Variants in DPP6 observed in about 807,000 individuals in gnomAD.
The protein encoded by DPP6 is A-type potassium channel modulatory protein DPP6.
In DPP6, 69 loss-of-function variants were observed where a neutral mutation model predicts 122.6. The ratio of observed to expected loss-of-function variants is 0.56; its 90% CI spans 0.46 to 0.69. DPP6 has a LOEUF of 0.69. Among genes scored for constraint, DPP6 ranks in the 30% least tolerant of loss-of-function variants. The pLI is 0.00. For synonymous variants in DPP6, 418 were observed against 433.1 expected (o/e 0.97, Z 0.43); for missense variants, 928 against 1,116.9 (o/e 0.83, Z 2.41).
chr7:153,754,961 T>C, the DPP6 span, among the ~76,000 whole-genome samples: 1 of 152,146 alleles, frequency 6.6e-6, no homozygotes, highest in East Asian at 1.9e-4. Flanking sequence ...CTTCTTATAA[T>C]ACTTTAAAAC....
At position 154,181,524 on chromosome 7, in the gene DPP6, T is replaced by G. The variant is rs150699680; in HGVS notation, c.243+128461T>G. On this transcript the variant is annotated intron_variant, in intron 1 of 25. Transcript: ENST00000377770. The stretch of plus-strand genomic sequence containing the variant: ...TAAAGATCCTGAAACTCCTGTCCTC[T>G]TCATTCAGCCAGAGAGGAGCTGAGC... Among the ~76,000 whole-genome samples the G allele has an allele frequency of 3.7e-3, 568 of 152,292 alleles. 2 individuals carry two copies. The highest frequency in any genetic ancestry group is 0.013 in the African/African-American group (543 of 41,574).
chr7:154,425,474 C>T (rs184788471), intron 1 of DPP6, among the ~76,000 whole-genome samples: 9 of 152,202 alleles, frequency 5.9e-5, no homozygotes, highest in East Asian at 3.9e-4. Context: ...AGTGGGCCAT[C>T]GCTCATGTTT....
chr7:153,960,671 G>A (rs1795305905), intron 1 of DPP6, among the ~76,000 whole-genome samples: 1 of 91,950 alleles, frequency 1.1e-5, no homozygotes, highest in South Asian at 4.0e-4. Flanking sequence ...GTGCGGGTGT[G>A]TATGTGTGTA....
the DPP6 span, among the ~76,000 whole-genome samples, chr7:153,842,954 GC>G: frequency 2.0e-5 from 3 of 152,130 alleles, no homozygotes; most frequent in Non-Finnish European, 4.4e-5. Flanking sequence ...GAAAATCGAT[GC>G]CCCCACTCAC....
chr7:154,420,414 C>A (rs1353562211), intron 1 of DPP6, among the ~76,000 whole-genome samples: 1 of 152,094 alleles, frequency 6.6e-6, no homozygotes. Context: ...CACGGAGGGA[C>A]AAATACCGTG....
intron 21 of DPP6, among the ~76,000 whole-genome samples, chr7:154,882,978 A>G (rs898095189): frequency 2.0e-5 from 3 of 152,050 alleles, no homozygotes; most frequent in African/African-American, 7.3e-5. Context: ...TCTACACTCC[A>G]TGCTCCCAAC....
At chr7:154,052,320 TGGGGAAGGGGGCGGA>T (rs1219732295), upstream of DPP6, 1 of 150,642 alleles carries the variant, frequency 6.6e-6, no homozygotes, top group East Asian at 2.0e-4. This position sits in a 1 kb window ranked among gnomAD's most constrained non-coding sequence, Gnocchi z 4.8. Context: ...AGGAGGCCGG[TGGGGAAGGGGGCGGA>T]GGGGCCGGGG....
chr7:153,855,965 T>A, the DPP6 span, among the ~76,000 whole-genome samples: 1 of 152,298 alleles, frequency 6.6e-6, no homozygotes, highest in African/African-American at 2.4e-5. Context: ...CATAGGTGAC[T>A]CAGAAGTTAA....
chr7:154,566,804 G>A (rs1204227326), intron 4 of DPP6, 38 bp from the exon 5 acceptor site: 3 of 1,210,508 alleles, frequency 2.5e-6, no homozygotes, highest in African/African-American at 3.0e-5. Context: ...CTTGTTGTAT[G>A]TAATGCTTTA....
chr7:154,061,387 T>C (rs1316237740), intron 1 of DPP6, among the ~76,000 whole-genome samples: 1 of 146,990 alleles, frequency 6.8e-6, no homozygotes, highest in Admixed American at 6.7e-5. Context: ...GCTGGACTTT[T>C]AACCCAAACT....
chr7:154,058,236 CA>C (rs1452408025), intron 1 of DPP6: 3 of 149,124 alleles, frequency 2.0e-5, no homozygotes, highest in South Asian at 2.1e-4. Context: ...ACCCCCATCG[CA>C]GGGGGGGAGG....
At chr7:154,591,809 G>T (rs536699772) in intron 5 of DPP6, among the ~76,000 whole-genome samples, 7 of 152,326 alleles carry the variant, frequency 4.6e-5, no homozygotes, top group African/African-American at 1.4e-4. Flanking sequence ...CCATGGACAG[G>T]TTCCAAAAGG....
chr7:153,797,557 G>A, the DPP6 span, among the ~76,000 whole-genome samples: 1 of 152,140 alleles, frequency 6.6e-6, no homozygotes, highest in Admixed American at 6.5e-5. Context: ...ACTCAGTTGT[G>A]TCTTTCTATT....
At chr7:154,565,640 C>G (rs1030548969) in intron 4 of DPP6, among the ~76,000 whole-genome samples, 13 of 152,280 alleles carry the variant, frequency 8.5e-5, no homozygotes, top group Admixed American at 7.8e-4. Flanking sequence ...ATTCTCCTGC[C>G]TCAGCCTCCT....
At chr7:154,701,062 C>A (rs1408852604) in intron 7 of DPP6, among the ~76,000 whole-genome samples, 3 of 152,118 alleles carry the variant, frequency 2.0e-5, no homozygotes, top group Non-Finnish European at 2.9e-5. Context: ...CCAAAATAGC[C>A]CAGAGATACG....
chr7:154,304,930 C>T (rs986125890), intron 1 of DPP6, among the ~76,000 whole-genome samples: 1 of 152,154 alleles, frequency 6.6e-6, no homozygotes, highest in Admixed American at 6.5e-5. Flanking sequence ...GACACCCGGG[C>T]GCGGCGCGGG....
chr7:154,060,645 G>A (rs1457250499), intron 1 of DPP6, among the ~76,000 whole-genome samples: 11 of 146,680 alleles, frequency 7.5e-5, no homozygotes, highest in East Asian at 4.1e-4. Context: ...GGAGGGGGAG[G>A]CACCCCCCAC....
chr7:154,392,789 A>G (rs1334201326), intron 1 of DPP6, among the ~76,000 whole-genome samples: 1 of 152,208 alleles, frequency 6.6e-6, no homozygotes, highest in African/African-American at 2.4e-5. Context: ...GAATTAGAGA[A>G]TCTAGGGAAG....
chr7:154,771,255 T>A (rs1244004229), intron 9 of DPP6, among the ~76,000 whole-genome samples: 3 of 147,966 alleles, frequency 2.0e-5, no homozygotes, highest in African/African-American at 7.3e-5. Context: ...GCTGCCACAA[T>A]GAAATAACAC....
Sources: allele counts gnomAD v4.1 joint callset (sites outside exome capture counted in the v4.1 genomes callset), GRCh38; gene constraint gnomAD v4.1.1; non-coding constraint Gnocchi (gnomAD v3.1); transcripts MANE v1.5; gene names NCBI Gene and HGNC (gene_info 2026-07-23, HGNC 2026-07-21).